Variants in FSTL5 observed in about 807,000 individuals in gnomAD.
FSTL5 encodes follistatin like 5, also known as follistatin-related protein 5.
In FSTL5, 62 loss-of-function variants were observed where a neutral mutation model predicts 89.1. That is an observed-to-expected ratio of 0.70 (90% CI 0.57 to 0.86). The LOEUF (loss-of-function observed/expected upper bound fraction) is 0.86. FSTL5 is among the 40% of genes least tolerant of loss of function. The pLI is 0.00. For synonymous variants in FSTL5, 383 were observed against 346.2 expected, an observed-to-expected ratio of 1.11 and a Z score of -1.18; for missense variants, 1,057 against 1,001.6, an observed-to-expected ratio of 1.06 and a Z score of -0.75.
intron 2 of FSTL5, chr4:162,047,264 T>C (rs1738217489): frequency 6.6e-6 from 1 of 151,880 alleles, no homozygotes; most frequent in African/African-American, 2.4e-5. Flanking sequence ...TTGAGACTAG[T>C]TTTATTAGTT....
intron 15 of FSTL5, among the ~76,000 whole-genome samples, chr4:161,418,616 A>G (rs1560885571): frequency 6.6e-6 from 1 of 152,336 alleles, no homozygotes; most frequent in East Asian, 1.9e-4. Context: ...TTAATACAAA[A>G]TATTTATTAT....
chr4:162,083,043 G>A (rs1330472658), intron 2 of FSTL5, among the ~76,000 whole-genome samples: 2 of 151,590 alleles, frequency 1.3e-5, no homozygotes, highest in Admixed American at 6.6e-5. Context: ...AAAACCAGCT[G>A]CCAGTATTTA....
intron 4 of FSTL5, among the ~76,000 whole-genome samples, chr4:161,859,758 G>T (rs1012333402): frequency 6.6e-6 from 1 of 152,174 alleles, no homozygotes; most frequent in East Asian, 1.9e-4. Flanking sequence ...AGGTAGCAGA[G>T]GCTTGAATAC....
chr4:161,663,310 C>T (rs1300657048), intron 6 of FSTL5, among the ~76,000 whole-genome samples: 1 of 152,094 alleles, frequency 6.6e-6, no homozygotes, highest in African/African-American at 2.4e-5. Flanking sequence ...AAGGCAAGTC[C>T]CTTTCTCCTA....
chr4:161,630,458 A>G (rs561380041), intron 7 of FSTL5, among the ~76,000 whole-genome samples: 43 of 152,320 alleles, frequency 2.8e-4, no homozygotes, highest in African/African-American at 1.0e-3. Context: ...TTGTTTGTGA[A>G]GTAGAGACAG....
At chr4:161,971,386 AT>A (rs1260484144) in intron 3 of FSTL5, among the ~76,000 whole-genome samples, 15 of 152,162 alleles carry the variant, frequency 9.9e-5, no homozygotes, top group Non-Finnish European at 1.8e-4. Context: ...TGTTTTAAAA[AT>A]TCAAACACAT....
intron 6 of FSTL5, among the ~76,000 whole-genome samples, chr4:161,742,807 T>C (rs1740072564): frequency 6.6e-6 from 1 of 152,004 alleles, no homozygotes; most frequent in Admixed American, 6.6e-5. Flanking sequence ...TTTGCAGAAA[T>C]AGAAAAAATA....
intron 14 of FSTL5, among the ~76,000 whole-genome samples, chr4:161,455,806 T>A (rs1257818947): frequency 1.3e-5 from 2 of 152,190 alleles, no homozygotes; most frequent in African/African-American, 2.4e-5. Context: ...ACTTTCATTG[T>A]TCCTACTGCA....
intron 7 of FSTL5, among the ~76,000 whole-genome samples, chr4:161,596,332 A>C (rs544646006): frequency 6.6e-6 from 1 of 152,074 alleles, no homozygotes; most frequent in Non-Finnish European, 1.5e-5. Flanking sequence ...AATATGCAAT[A>C]GAAAAGAAAT....
chr4:162,160,772 GATTT>G (rs1324659846), intron 1 of FSTL5, among the ~76,000 whole-genome samples: 24 of 150,774 alleles, frequency 1.6e-4, no homozygotes, highest in Admixed American at 1.5e-3. Context: ...GAGTATTTCA[GATTT>G]ATTATGACTT....
chr4:161,459,962 T>G (rs1041359052), intron 13 of FSTL5, among the ~76,000 whole-genome samples: 1 of 151,030 alleles, frequency 6.6e-6, no homozygotes, highest in African/African-American at 2.4e-5. Flanking sequence ...ATGTATAATA[T>G]TTATAATATT....
In FSTL5 at chr4:161,523,762, G is replaced by A. The variant is rs959627302; in HGVS notation, c.1313-13338C>T. On this transcript the variant is annotated intron_variant, in intron 10 of 15. Transcript: ENST00000306100. ...TGTCTTATAAACTTTGCTGGGAATT[G>A]GAATTTGAATTAAACCTCCCTTGGT... is the stretch of plus-strand genomic sequence containing the variant. Among the ~76,000 whole-genome samples the A allele has an allele frequency of 3.3e-5, 5 of 151,992 alleles. No individual in the cohort carries two copies. The East Asian group carries it at 9.6e-4, about 29-fold the overall frequency.
chr4:161,966,641 A>G (rs1037932917), intron 3 of FSTL5, among the ~76,000 whole-genome samples: 3 of 152,134 alleles, frequency 2.0e-5, no homozygotes, highest in Non-Finnish European at 4.4e-5. Context: ...GAAGACACAG[A>G]GAAAACATGG....
At chr4:161,955,744 T>C (rs1735010363) in intron 3 of FSTL5, among the ~76,000 whole-genome samples, 1 of 151,894 alleles carries the variant, frequency 6.6e-6, no homozygotes, top group South Asian at 2.1e-4. Flanking sequence ...GAGTCTAGCC[T>C]AGTATATTCA....
chr4:161,392,871 G>A (rs1276310397), intron 15 of FSTL5, among the ~76,000 whole-genome samples: 1 of 151,928 alleles, frequency 6.6e-6, no homozygotes, highest in Admixed American at 6.6e-5. Context: ...ATGAAACAAA[G>A]GCAAACGCAA....
rs1429764690 is a variant in FSTL5 at position 161,630,416 on chromosome 4, C to T, written c.894+25912G>A. Among the ~76,000 whole-genome samples the T allele has an allele frequency of 3.3e-5, 5 of 152,154 alleles. No individual in the cohort carries two copies. The East Asian group carries it at 7.7e-4, about 23-fold the overall frequency. On this transcript the variant is annotated intron_variant, in intron 7 of 15. Transcript: ENST00000306100. ...ACAGCTCTCTCCAGGTCAGCTCAAG[C>T]CCTTGAAAATATGTGCTTTTATGAG...
intron 6 of FSTL5, among the ~76,000 whole-genome samples, chr4:161,683,388 T>C (rs543168317): frequency 3.9e-5 from 6 of 152,278 alleles, no homozygotes; most frequent in South Asian, 2.1e-4. Context: ...ACATAATAGA[T>C]AATATATCAT....
intron 10 of FSTL5, among the ~76,000 whole-genome samples, chr4:161,536,506 A>G (rs1731623235): frequency 6.6e-6 from 1 of 152,172 alleles, no homozygotes; most frequent in Non-Finnish European, 1.5e-5. Context: ...TCTATCAAGT[A>G]GACGTTATTA....
At chr4:162,005,565 G>A (rs1044018313) in intron 3 of FSTL5, among the ~76,000 whole-genome samples, 4 of 152,122 alleles carry the variant, frequency 2.6e-5, no homozygotes, top group Admixed American at 1.3e-4. Flanking sequence ...AGTTGGAGAG[G>A]AATGTAAAAC....
Sources: gnomAD v4.1 joint callset for allele counts (sites outside exome capture counted in the v4.1 genomes callset) on GRCh38, gnomAD v4.1.1 for gene constraint, MANE v1.5 for transcripts, NCBI Gene and HGNC (gene_info 2026-07-23, HGNC 2026-07-21) for gene names.